INPP4A: variants seen among roughly 807,000 people sequenced by gnomAD.
The protein encoded by INPP4A is inositol polyphosphate-4-phosphatase, type I, 107kD.
A neutral mutation model predicts 119.8 loss-of-function variants in INPP4A; 33 were observed. The observed-to-expected ratio is 0.28, with a 90% CI of 0.21 to 0.37. INPP4A has a LOEUF of 0.37. INPP4A is among the 10% of genes least tolerant of loss of function. INPP4A has a pLI of 1.00. For missense variants in INPP4A, 956 were observed against 1,289.9 expected (o/e 0.74, Z 3.97); for synonymous variants, 496 against 500.7 (o/e 0.99, Z 0.12).
intron 23 of INPP4A, among the ~76,000 whole-genome samples, chr2:98,574,436 G>A (rs1429257457): frequency 4.6e-5 from 7 of 152,066 alleles, no homozygotes; most frequent in African/African-American, 1.4e-4. Context: ...TCAGGAGTTC[G>A]AGACCAGCCT....
intron 16 of INPP4A, chr2:98,556,070 A>C: frequency 1.3e-5 from 6 of 459,666 alleles, no homozygotes; most frequent in Admixed American, 3.7e-5. Context: ...ATACACCACC[A>C]TGGCTATAAG....
intron 1 of INPP4A, among the ~76,000 whole-genome samples, chr2:98,451,396 G>A (rs1279729455): frequency 1.3e-5 from 2 of 152,152 alleles, no homozygotes; most frequent in African/African-American, 4.8e-5. Flanking sequence ...CTGGAATAGG[G>A]TCAGGAAGAC....
In INPP4A at chr2:98,570,836, T is replaced by G. The variant is rs1157119214; in HGVS notation, c.2519-1979T>G. Among the ~76,000 whole-genome samples the G allele has an allele frequency of 3.9e-5, 6 of 152,018 alleles. No homozygotes were observed. Among genetic ancestry groups the G allele is most frequent in the Non-Finnish European group, 7.4e-5 (5 of 67,960 alleles). The stretch of plus-strand genomic sequence containing the variant: ...ACAGGTGTTCTTGTCCTGCTCAACA[T>G]GAGAGAGGTGAGCACAGAACCGGGG... On this transcript the variant is annotated intron_variant, in intron 22 of 24. Coordinates refer to ENST00000409851, the MANE Select transcript of INPP4A (RefSeq NM_001134225.2). The surrounding 1 kb of genome is among the most constrained non-coding windows in gnomAD (Gnocchi z 4.3).
chr2:98,453,003 A>G (rs1192977262), intron 1 of INPP4A, among the ~76,000 whole-genome samples: 1 of 152,236 alleles, frequency 6.6e-6, no homozygotes, highest in Non-Finnish European at 1.5e-5. Context: ...AGACAGCCCA[A>G]GTGACTACTT....
chr2:98,576,487 C>T (rs1698440352), intron 23 of INPP4A, among the ~76,000 whole-genome samples: 1 of 152,142 alleles, frequency 6.6e-6, no homozygotes, highest in African/African-American at 2.4e-5. Flanking sequence ...CCCGTCTGTT[C>T]AGGTGAAAGA....
intron 16 of INPP4A, 25 bp downstream of exon 16, chr2:98,555,833 T>C (rs1354895144): frequency 1.3e-6 from 2 of 1,534,940 alleles, no homozygotes. Flanking sequence ...ATGCTTCCCA[T>C]ATGCTGCCTC....
chr2:98,539,445 C>G, intron 9 of INPP4A, 83 bp from the exon 10 acceptor site: 1 of 1,472,626 alleles, frequency 6.8e-7, no homozygotes, highest in East Asian at 2.4e-5. Flanking sequence ...GTCACCATCC[C>G]TGAGGGCCGG....
chr2:98,561,523 C>G (rs2106309229), intron 17 of INPP4A, among the ~76,000 whole-genome samples: 1 of 152,334 alleles, frequency 6.6e-6, no homozygotes, highest in African/African-American at 2.4e-5. Context: ...CTCCTCTTTT[C>G]CAGGACAAAC....
intron 17 of INPP4A, among the ~76,000 whole-genome samples, chr2:98,561,891 A>G (rs1452200320): frequency 6.6e-6 from 1 of 152,260 alleles, no homozygotes; most frequent in Non-Finnish European, 1.5e-5. Context: ...TTTAATAGGC[A>G]CTTCATATAA....
chr2:98,463,770 C>T (rs746130507), intron 1 of INPP4A, among the ~76,000 whole-genome samples: 2 of 152,180 alleles, frequency 1.3e-5, no homozygotes, highest in Non-Finnish European at 2.9e-5. Flanking sequence ...CAGACCAGAG[C>T]CATGAGCGTC....
In INPP4A at chr2:98,566,087, G is replaced by A; in HGVS notation, c.2338G>A (p.Glu780Lys). ...CCCGCTGTTTGACGCCTTGCCCCGG[G>A]AGATCCAGAGTGGCATGCTGCTGCG... ...PGPLFDALPREIQSGMLLRVQ... is the reference protein window; with the variant it reads ...PGPLFDALPRKIQSGMLLRVQ... The change falls in exon 21 of 25, where the codon GAG (glutamate) becomes AAG (lysine). Residue 780 changes from glutamate to lysine, a missense_variant. Around this residue, in one of 2 missense-constraint regions of INPP4A, gnomAD observed 304 missense variants for 492.1 expected, o/e 0.62. Coordinates refer to ENST00000409851, the MANE Select transcript of INPP4A (RefSeq NM_001134225.2). The surrounding 1 kb of genome is among the most constrained non-coding windows in gnomAD (Gnocchi z 4.2). 1.2e-6 allele frequency: 2 copies of A among 1,601,908 alleles called. No homozygotes were observed. The highest frequency in any genetic ancestry group is 1.7e-6 in the Non-Finnish European group (2 of 1,174,784).
intron 24 of INPP4A, chr2:98,581,742 T>C (rs1257218789): frequency 1.2e-6 from 2 of 1,608,542 alleles, no homozygotes; most frequent in Non-Finnish European, 8.5e-7. Context: ...GGTGACCAAA[T>C]TGCGTTGCAA....
intron 19 of INPP4A, among the ~76,000 whole-genome samples, chr2:98,565,432 G>A (rs1215996221): frequency 2.0e-5 from 3 of 152,232 alleles, no homozygotes; most frequent in Admixed American, 2.0e-4. Flanking sequence ...CCAGATGCAT[G>A]TTTTGATGTG....
intron 23 of INPP4A, 34 bp downstream of exon 23, chr2:98,572,961 C>T (rs759628751): frequency 1.7e-5 from 24 of 1,434,776 alleles, no homozygotes; most frequent in South Asian, 3.7e-5. Context: ...GAGGCTATTG[C>T]GGTGCCCACA....
rs1017318843 is a variant in INPP4A at position 98,590,361 on chromosome 2, G to A, written c.*2753G>A. 11 of 187,094 alleles carry A rather than the reference G, an allele frequency of 5.9e-5. No individual in the cohort carries two copies. The East Asian group carries it at 8.6e-4, about 15-fold the overall frequency. The allele number at this position is 187,094 out of a possible 1,614,324, so 11.6% of individuals were successfully genotyped here. A position where few individuals can be genotyped will look rare whatever the true frequency, so the allele number is the denominator to read the frequency against. On this transcript the variant is annotated 3_prime_UTR_variant, in exon 25 of 25. Transcript: ENST00000409851. The stretch of plus-strand genomic sequence containing the variant: ...GCAACAGCGTTGAGGTTAAGAGCAC[G>A]GACTTTGGGAGCACACAGACCAGGT...
chr2:98,485,874 A>G (rs999237088), intron 1 of INPP4A, among the ~76,000 whole-genome samples: 1 of 152,224 alleles, frequency 6.6e-6, no homozygotes, highest in Admixed American at 6.5e-5. Flanking sequence ...ACTTAAATTG[A>G]GTATTTTTCT....
intron 4 of INPP4A, among the ~76,000 whole-genome samples, chr2:98,524,358 C>T (rs904271058): frequency 6.6e-6 from 1 of 152,100 alleles, no homozygotes; most frequent in Non-Finnish European, 1.5e-5. Context: ...AAATGAATGA[C>T]GTAAGTGAGC....
chr2:98,560,033 G>T (rs971173163), intron 17 of INPP4A, among the ~76,000 whole-genome samples: 1 of 152,172 alleles, frequency 6.6e-6, no homozygotes, highest in African/African-American at 2.4e-5. Flanking sequence ...TGTATTGTCT[G>T]CAGCTGCTTT....
intron 1 of INPP4A, among the ~76,000 whole-genome samples, chr2:98,478,262 A>G (rs1677661950): frequency 6.6e-6 from 1 of 152,014 alleles, no homozygotes; most frequent in East Asian, 1.9e-4. Context: ...AGCCTCAGGC[A>G]GGCCCTGCTC....
Sources: gnomAD v4.1 joint callset for allele counts (sites outside exome capture counted in the v4.1 genomes callset) on GRCh38, gnomAD v4.1.1 for gene constraint, gnomAD v4.1.1 regional missense constraint, Gnocchi (gnomAD v3.1) non-coding constraint, MANE v1.5 for transcripts, NCBI Gene and HGNC (gene_info 2026-07-23, HGNC 2026-07-21) for gene names.